Variants in RAB34 observed in about 807,000 individuals in gnomAD.
RAB34 encodes the protein ras-related protein Rab-34.
A neutral mutation model predicts 39.0 loss-of-function variants in RAB34; 33 were observed. The ratio of observed to expected loss-of-function variants is 0.85; its 90% CI spans 0.64 to 1.13. The LOEUF is 1.13. Among genes scored for constraint, RAB34 ranks in the 50% most tolerant of loss-of-function variants. The probability of loss-of-function intolerance (pLI) is 0.00; values close to 1 mark genes in which losing one functional copy is unlikely to be tolerated. For missense variants in RAB34, 289 were observed against 326.1 expected (o/e 0.89, Z 0.88); for synonymous variants, 135 against 125.1 (o/e 1.08, Z -0.53).
chr17:28,715,429 C>T, intron 6 of RAB34, 27 bp downstream of exon 6: 2 of 1,613,566 alleles, frequency 1.2e-6, no homozygotes, highest in South Asian at 2.2e-5. Context: ...CCGGAGCCTC[C>T]CATTATATTG....
chr17:28,718,277 C>G, upstream of RAB34: 1 of 1,536,758 alleles, frequency 6.5e-7, no homozygotes, highest in Admixed American at 2.1e-5. Flanking sequence ...TAGAGTCTGC[C>G]CCCTCTCGCC....
chr17:28,718,091 T>C (rs1293597813), upstream of RAB34: 1 of 1,598,244 alleles, frequency 6.3e-7, no homozygotes, highest in Non-Finnish European at 8.5e-7. Flanking sequence ...TGCACCTCTA[T>C]ACCCGGCTGC....
intron 2 of RAB34, 148 bp downstream of exon 2, chr17:28,716,755 G>A: frequency 1.1e-6 from 1 of 888,520 alleles, no homozygotes. Flanking sequence ...GGGAGAAAAG[G>A]AGGGGATACA....
chr17:28,717,659 C>A lies in RAB34; in HGVS notation c.-393G>T. On this transcript the variant is annotated 5_prime_UTR_variant, in exon 1 of 10. Coordinates refer to ENST00000395245, the MANE Select transcript of RAB34 (RefSeq NM_031934.6). The stretch of plus-strand genomic sequence containing the variant: ...GGGCCGGATGGTTCCTACAATAACC[C>A]GGGGCCGCGGAGACCCGACGTCATC... 2 of 1,362,324 alleles carry A rather than the reference C, an allele frequency of 1.5e-6. No individual in the cohort carries two copies. Among genetic ancestry groups the A allele is most frequent in the Non-Finnish European group, 1.9e-6 (2 of 1,062,638 alleles). The allele number at this position is 1,362,324 out of a possible 1,614,324, so 84.4% of individuals were successfully genotyped here.
Position 28,717,518 on chromosome 17 carries a change from CTG to C in RAB34, c.-254_-253del. The stretch of plus-strand genomic sequence containing the variant: ...GGCCCTGGGCGTCCCGAAGATGACT[CTG>C]GGGCGAGGAGACTCTTCGGCCGCCA... On this transcript the variant is annotated 5_prime_UTR_variant, in exon 1 of 10. An upstream open reading frame in the 5' UTR gains an earlier in-frame stop. Coordinates refer to ENST00000395245, the MANE Select transcript of RAB34 (RefSeq NM_031934.6). 1 of 1,427,314 alleles carries C rather than the reference CTG, an allele frequency of 7.0e-7. No homozygotes were observed. The highest frequency in any genetic ancestry group is 9.1e-7 in the Non-Finnish European group (1 of 1,093,508). 88.4% of individuals were successfully genotyped at this position (1,427,314 alleles called of 1,614,324 possible).
chr17:28,716,207 G>T, intron 2 of RAB34, 149 bp from the exon 3 acceptor site: 1 of 1,028,266 alleles, frequency 9.7e-7, no homozygotes, highest in Non-Finnish European at 1.4e-6. Context: ...GCGTGGACAG[G>T]TGTGCTGGGG....
intron 2 of RAB34, 36 bp downstream of exon 2, chr17:28,716,867 G>A (rs1352398307): frequency 1.3e-6 from 2 of 1,596,436 alleles, no homozygotes; most frequent in South Asian, 1.1e-5. Flanking sequence ...AGTTTCCTGG[G>A]ACCTCCTCTC....
At position 28,715,184 on chromosome 17, in the gene RAB34, GGCACACTCACA is replaced by G; in HGVS notation, c.513_513+10del. ...CACCAAGCTGGGAAGTCCCCCCACT[GGCACACTCACA>G]CTCAGATCCTTCTTGGAACCTACAA... is the stretch of plus-strand genomic sequence containing the variant. On this transcript the variant is annotated splice_donor_variant and splice_donor_5th_base_variant and coding_sequence_variant and intron_variant, in exon 7 of 10. Coordinates refer to ENST00000395245, the MANE Select transcript of RAB34 (RefSeq NM_031934.6). LOFTEE classifies it high-confidence loss of function. 6.2e-7 allele frequency: 1 copy of G among 1,613,850 alleles called. No individual in the cohort carries two copies. The highest frequency in any genetic ancestry group is 8.5e-7 in the Non-Finnish European group (1 of 1,179,812).
Position 28,717,405 on chromosome 17 carries a change from G to C in RAB34, c.-139C>G. ...ACTCGGGGCCACGGGGACCCTACGG[G>C]AGTCCGCGGTCTCGGAGACGCTACG... On this transcript the variant is annotated 5_prime_UTR_variant, in exon 1 of 10. Coordinates refer to ENST00000395245, the MANE Select transcript of RAB34 (RefSeq NM_031934.6). The C allele has an allele frequency of 6.6e-7, 1 of 1,508,262 alleles. No individual in the cohort carries two copies. Among genetic ancestry groups the C allele is most frequent in the Non-Finnish European group, 8.9e-7 (1 of 1,128,410 alleles). The allele number at this position is 1,508,262 out of a possible 1,614,324, so 93.4% of individuals were successfully genotyped here. A position where few individuals can be genotyped will look rare whatever the true frequency, so the allele number is the denominator to read the frequency against.
chr17:28,717,159 C>A, intron 1 of RAB34, 54 bp downstream of exon 1: 2 of 1,554,696 alleles, frequency 1.3e-6, no homozygotes, highest in Admixed American at 1.9e-5. Context: ...GCCGCCTCCT[C>A]CTCGCCCACA....
Position 28,717,701 on chromosome 17 carries a change from C to T in RAB34, c.-435G>A. 7.4e-7 allele frequency: 1 copy of T among 1,355,372 alleles called. No individual in the cohort carries two copies. Among genetic ancestry groups the T allele is most frequent in the Non-Finnish European group, 9.4e-7 (1 of 1,059,238 alleles). The allele number at this position is 1,355,372 out of a possible 1,614,324, so 84.0% of individuals were successfully genotyped here. On this transcript the variant is annotated 5_prime_UTR_variant, in exon 1 of 10. Transcript: ENST00000395245. ...GACGTCATCTCGGGGCTGAGGCTGCCCTACCATTACAGAGCGGCCCGGGGG... is the reference window on the plus strand; with the variant it reads ...GACGTCATCTCGGGGCTGAGGCTGCTCTACCATTACAGAGCGGCCCGGGGG...
chr17:28,714,900 C>A lies in RAB34; in HGVS notation c.605G>T (p.Gly202Val), dbSNP rs370068278. 2.2e-5 allele frequency: 36 copies of A among 1,613,756 alleles called. No individual in the cohort carries two copies. Among genetic ancestry groups the A allele is most frequent in the Non-Finnish European group, 3.1e-5 (36 of 1,179,852 alleles). The part of the protein sequence containing the change: ...AEYWAVSSLT[G>V]ENVREFFFRV... ...GAAGAAGAATTCTCGGACATTCTCA[C>A]CTGACACAGAGAGCAGATAGGTGCT... The change falls in exon 9 of 10, where the codon GGT becomes GTT. Residue 202 changes from glycine (G) to valine (V), a missense_variant and splice_region_variant. Physicochemically the swap from Gly to Val is moderately radical, Grantham distance 109 (BLOSUM62 -3). Transcript: ENST00000395245.
At chr17:28,716,489 T>C (rs777427611) in intron 2 of RAB34, 21 of 255,864 alleles carry the variant, frequency 8.2e-5, no homozygotes, top group Non-Finnish European at 1.3e-4. Context: ...ATAAAGATGA[T>C]AGTACCCAAC....
Position 28,715,559 on chromosome 17 carries a change from C to T in RAB34, c.380-52G>A, listed in dbSNP as rs752080588. On this transcript the variant is annotated intron_variant, in intron 5 of 9. Transcript: ENST00000395245. ...GGTTGACAGGGAAGACACTACTGCT[C>T]ATTTCCCCAATCCTTCCAGCTCCAT... is the stretch of plus-strand genomic sequence containing the variant. 5 of 1,613,990 alleles carry T rather than the reference C, an allele frequency of 3.1e-6. No individual in the cohort carries two copies. In the South Asian group the frequency reaches 3.3e-5, roughly 11 times the overall value.
In RAB34 at chr17:28,717,544, C is replaced by T. The variant is rs996917840; in HGVS notation, c.-278G>A. 16 of 1,418,266 alleles carry T rather than the reference C, an allele frequency of 1.1e-5. No individual in the cohort carries two copies. In the African/African-American group the frequency reaches 1.9e-4, roughly 17 times the overall value. 87.9% of individuals were successfully genotyped at this position (1,418,266 alleles called of 1,614,324 possible). ...TGGGGCGAGGAGACTCTTCGGCCGC[C>T]AATTGGGGGCGGGGAGTCCCGTCTG... On this transcript the variant is annotated 5_prime_UTR_variant, in exon 1 of 10. Transcript: ENST00000395245.
At chr17:28,718,399 C>A (rs2033890624), upstream of RAB34, 5 of 709,058 alleles carry the variant, frequency 7.1e-6, no homozygotes, top group Middle Eastern at 7.8e-4. Flanking sequence ...AGTCTGGCGT[C>A]TTTTCCTTCA....
chr17:28,715,290 T>C lies in RAB34; in HGVS notation c.432-14A>G, dbSNP rs1406293892. 1 of 1,610,896 alleles carries C rather than the reference T, an allele frequency of 6.2e-7. No homozygotes were observed. Among genetic ancestry groups the C allele is most frequent in the African/African-American group, 1.3e-5 (1 of 74,780 alleles). ...GCCAGCCACTGCCTGCCATGGGAGGTGGAAAGTAAGGGATGAGTGAGTCTG... is the reference window on the plus strand; with the variant it reads ...GCCAGCCACTGCCTGCCATGGGAGGCGGAAAGTAAGGGATGAGTGAGTCTG... On this transcript the variant is annotated splice_polypyrimidine_tract_variant and intron_variant, in intron 6 of 9. Coordinates refer to ENST00000395245, the MANE Select transcript of RAB34 (RefSeq NM_031934.6).
rs766161767 is a variant in RAB34 at position 28,714,693 on chromosome 17, T to G, written c.730A>C (p.Ser244Arg). The change falls in exon 10 of 10, where the codon AGC becomes CGC. Residue 244 changes from serine (S) to arginine (R), a missense_variant. By Grantham distance (110) the Ser-to-Arg change is moderately radical. Coordinates refer to ENST00000395245, the MANE Select transcript of RAB34 (RefSeq NM_031934.6). Reference sequence around the variant, plus strand: ...TTGCTGGCAGTTAGGTAGAGGTTGCTGTCATCACTGTTGATGCCTAAAGAA... The same window carrying G: ...TTGCTGGCAGTTAGGTAGAGGTTGCGGTCATCACTGTTGATGCCTAAAGAA... ...GDVVRINSDDSNLYLTASKKK... is the reference protein window; with the variant it reads ...GDVVRINSDDRNLYLTASKKK... 3.7e-6 allele frequency: 6 copies of G among 1,613,994 alleles called. No homozygotes were observed. In the Admixed American group the frequency reaches 6.7e-5, roughly 18 times the overall value.
rs1251506384 is a variant in RAB34, at chr17:28,717,412, C to T, written c.-146G>A. ...GCCACGGGGACCCTACGGGAGTCCG[C>T]GGTCTCGGAGACGCTACGACCACCG... On this transcript the variant is annotated 5_prime_UTR_variant, in exon 1 of 10. Transcript: ENST00000395245. 1 of 1,502,012 alleles carries T rather than the reference C, an allele frequency of 6.7e-7. No homozygotes were observed. The highest frequency in any genetic ancestry group is 1.2e-5 in the South Asian group (1 of 82,394). 93.0% of individuals were successfully genotyped at this position (1,502,012 alleles called of 1,614,324 possible).
Sources: gnomAD v4.1 joint callset for allele counts on GRCh38, gnomAD v4.1.1 for gene constraint, MANE v1.5 for transcripts, NCBI Gene and HGNC (gene_info 2026-07-23, HGNC 2026-07-21) for gene names.